The following NCAM2 variants were observed in gnomAD, a reference collection of about 807,000 sequenced individuals.
The protein encoded by NCAM2 is neural cell adhesion molecule 2, also known as N-CAM-2.
Under a neutral mutation model 98.1 loss-of-function variants are expected in NCAM2, and 30 were observed. The ratio of observed to expected loss-of-function variants is 0.31; its 90% CI spans 0.23 to 0.41. The LOEUF (loss-of-function observed/expected upper bound fraction) is 0.41, where lower values mean the gene tolerates loss of function less well. Among genes scored for constraint, NCAM2 ranks in the 10% least tolerant of loss-of-function variants. NCAM2 has a pLI of 1.00. For synonymous variants in NCAM2, 368 were observed against 342.4 expected, an observed-to-expected ratio of 1.07 and a Z score of -0.83; for missense variants, 867 against 1,005.8, an observed-to-expected ratio of 0.86 and a Z score of 1.87.
intron 12 of NCAM2, among the ~76,000 whole-genome samples, chr21:21,440,147 T>A (rs1230609328): frequency 1.3e-5 from 2 of 152,190 alleles, no homozygotes; most frequent in Non-Finnish European, 2.9e-5. Context: ...CTTGACATTT[T>A]AAAAAATGTG....
At chr21:21,477,685 T>C (rs1191853232) in intron 15 of NCAM2, among the ~76,000 whole-genome samples, 3 of 152,050 alleles carry the variant, frequency 2.0e-5, no homozygotes, top group Non-Finnish European at 2.9e-5. Context: ...CCATTAATAG[T>C]TGGAGTGGTG....
At chr21:21,345,556 G>T (rs775605327) in intron 8 of NCAM2, among the ~76,000 whole-genome samples, 50 of 151,706 alleles carry the variant, frequency 3.3e-4, no homozygotes, top group Non-Finnish European at 2.9e-5. Flanking sequence ...TTGAAGACAA[G>T]CTACTTGAAA....
At chr21:21,447,198 A>G (rs1246946881) in intron 12 of NCAM2, among the ~76,000 whole-genome samples, 2 of 152,176 alleles carry the variant, frequency 1.3e-5, no homozygotes, top group Non-Finnish European at 2.9e-5. Flanking sequence ...TGGTATCAAT[A>G]CAGACATATA....
intron 5 of NCAM2, among the ~76,000 whole-genome samples, chr21:21,317,565 G>T (rs1274152799): frequency 2.0e-5 from 3 of 151,324 alleles, no homozygotes; most frequent in Admixed American, 1.3e-4. Context: ...TTTTGAGATA[G>T]AGTCTTGCTC....
chr21:21,195,363 G>A (rs2068967699), intron 1 of NCAM2, among the ~76,000 whole-genome samples: 1 of 152,172 alleles, frequency 6.6e-6, no homozygotes, highest in African/African-American at 2.4e-5. Flanking sequence ...CTTTGAGTAT[G>A]TATCTCATCC....
chr21:21,141,697 A>T (rs1192361859), intron 1 of NCAM2, among the ~76,000 whole-genome samples: 2 of 152,138 alleles, frequency 1.3e-5, no homozygotes, highest in Non-Finnish European at 2.9e-5. Context: ...AATTTAGCAA[A>T]GTTCTTTTGA....
At chr21:21,305,243 G>A (rs536933390) in intron 5 of NCAM2, among the ~76,000 whole-genome samples, 11 of 152,200 alleles carry the variant, frequency 7.2e-5, no homozygotes, top group African/African-American at 2.2e-4. Flanking sequence ...GCTTGAACAC[G>A]GGAGGTGGAG....
chr21:21,358,698 AC>A (rs922823530), intron 8 of NCAM2, among the ~76,000 whole-genome samples: 1 of 152,046 alleles, frequency 6.6e-6, no homozygotes, highest in Non-Finnish European at 1.5e-5. Context: ...GGTAGTTTTA[AC>A]ACTGATTTAT....
At chr21:21,512,177 T>C (rs1988428674) in intron 16 of NCAM2, among the ~76,000 whole-genome samples, 1 of 151,986 alleles carries the variant, frequency 6.6e-6, no homozygotes, top group Non-Finnish European at 1.5e-5. Flanking sequence ...CCCAGATCAA[T>C]GATCTGAGGT....
chr21:21,167,321 A>G (rs546710085), intron 1 of NCAM2, among the ~76,000 whole-genome samples: 4 of 152,106 alleles, frequency 2.6e-5, no homozygotes, highest in Non-Finnish European at 5.9e-5. Flanking sequence ...AGGATAATCC[A>G]ATATATCTGT....
At chr21:21,208,595 G>A (rs1350658634) in intron 1 of NCAM2, among the ~76,000 whole-genome samples, 1 of 151,934 alleles carries the variant, frequency 6.6e-6, no homozygotes, top group Admixed American at 6.6e-5. Context: ...CATTCAGTGG[G>A]TTTATTTGAT....
chr21:21,324,636 T>A, intron 6 of NCAM2, 136 bp downstream of exon 6: 1 of 657,204 alleles, frequency 1.5e-6, no homozygotes, highest in Non-Finnish European at 2.6e-6. Context: ...TGGTGCTATC[T>A]TTGGGGCTTA....
chr21:21,329,243 A>G (rs2074606326), intron 6 of NCAM2, among the ~76,000 whole-genome samples: 1 of 152,070 alleles, frequency 6.6e-6, no homozygotes, highest in Non-Finnish European at 1.5e-5. Flanking sequence ...CACCACGCCT[A>G]GCAAAAAACA....
intron 1 of NCAM2, among the ~76,000 whole-genome samples, chr21:21,066,014 T>C (rs993454555): frequency 1.3e-5 from 2 of 152,176 alleles, no homozygotes; most frequent in Admixed American, 1.3e-4. Context: ...GTCTCCAGAT[T>C]TACTGAGCAG....
intron 1 of NCAM2, among the ~76,000 whole-genome samples, chr21:21,127,516 C>T (rs2066851834): frequency 6.6e-6 from 1 of 151,994 alleles, no homozygotes; most frequent in Non-Finnish European, 1.5e-5. Context: ...TTCTCTGTAA[C>T]TATAGTAGCC....
At chr21:21,031,652 G>A (rs1190561809) in intron 1 of NCAM2, among the ~76,000 whole-genome samples, 1 of 152,216 alleles carries the variant, frequency 6.6e-6, no homozygotes, top group African/African-American at 2.4e-5. Context: ...CAAGTAGGCA[G>A]TGATGGACGT....
At chr21:21,243,637 A>G (rs1376502150) in intron 1 of NCAM2, among the ~76,000 whole-genome samples, 2 of 152,134 alleles carry the variant, frequency 1.3e-5, no homozygotes, top group East Asian at 1.9e-4. Context: ...TCACATGACT[A>G]TCTAGCTTAA....
intron 1 of NCAM2, among the ~76,000 whole-genome samples, chr21:21,272,281 A>T (rs1020564324): frequency 2.0e-5 from 3 of 152,168 alleles, no homozygotes; most frequent in Non-Finnish European, 2.9e-5. Context: ...GGCACCTGAG[A>T]TCTGTACTAC....
chr21:21,381,221 T>A (rs2076147209), intron 9 of NCAM2, among the ~76,000 whole-genome samples: 2 of 152,146 alleles, frequency 1.3e-5, no homozygotes, highest in South Asian at 4.1e-4. Flanking sequence ...TTGTAAACCA[T>A]GAAAAATGTA....
Sources: gnomAD v4.1 joint callset for allele counts (sites outside exome capture counted in the v4.1 genomes callset) on GRCh38, gnomAD v4.1.1 for gene constraint, MANE v1.5 for transcripts, NCBI Gene and HGNC (gene_info 2026-07-23, HGNC 2026-07-21) for gene names.